The following OPCML variants were observed in gnomAD, a reference collection of about 807,000 sequenced individuals.
OPCML encodes the protein opioid-binding protein/cell adhesion molecule.
Under a neutral mutation model 37.8 loss-of-function variants are expected in OPCML, and 13 were observed. The observed-to-expected ratio is 0.34, with a 90% CI of 0.22 to 0.55. OPCML has a LOEUF of 0.55. OPCML is among the 20% of genes least tolerant of loss of function. The pLI is 0.91. For synonymous variants in OPCML, 176 were observed against 168.8 expected (o/e 1.04, Z -0.33); for missense variants, 341 against 435.6 (o/e 0.78, Z 1.93).
intron 2 of OPCML, among the ~76,000 whole-genome samples, chr11:132,908,049 A>C (rs1174369849): frequency 6.6e-6 from 1 of 152,180 alleles, no homozygotes; most frequent in African/African-American, 2.4e-5. Flanking sequence ...ATTTGTAGTC[A>C]GGGATTTCTA....
At chr11:132,443,978 C>G (rs757564179) in intron 4 of OPCML, among the ~76,000 whole-genome samples, 8 of 152,218 alleles carry the variant, frequency 5.3e-5, no homozygotes, top group Non-Finnish European at 1.0e-4. Flanking sequence ...TTGCCTTTCT[C>G]TCTGAGAATT....
intron 2 of OPCML, among the ~76,000 whole-genome samples, chr11:132,842,186 C>T (rs1941322749): frequency 6.6e-6 from 1 of 152,106 alleles, no homozygotes. Flanking sequence ...ACTACTTTAC[C>T]CCCTTCCTTC....
At chr11:132,464,750 G>A (rs1372609276) in intron 4 of OPCML, among the ~76,000 whole-genome samples, 1 of 152,042 alleles carries the variant, frequency 6.6e-6, no homozygotes, top group Admixed American at 6.5e-5. Flanking sequence ...CTTGGGATCT[G>A]CAATATTTTT....
At chr11:132,590,567 C>T (rs2096482685) in intron 3 of OPCML, among the ~76,000 whole-genome samples, 1 of 152,166 alleles carries the variant, frequency 6.6e-6, no homozygotes, top group Non-Finnish European at 1.5e-5. Flanking sequence ...TTCTCAACAT[C>T]TCCATGAGGT....
chr11:132,862,305 G>A (rs551778200), intron 2 of OPCML, among the ~76,000 whole-genome samples: 2 of 152,278 alleles, frequency 1.3e-5, no homozygotes, highest in African/African-American at 4.8e-5. Flanking sequence ...TGGGAACCAA[G>A]TTTCGGGTAG....
At chr11:133,336,600 A>G (rs986587019) in intron 1 of OPCML, among the ~76,000 whole-genome samples, 2 of 152,248 alleles carry the variant, frequency 1.3e-5, no homozygotes, top group Non-Finnish European at 2.9e-5. Flanking sequence ...CTGAAATACA[A>G]TAGAAATTCA....
chr11:133,506,861 C>T (rs1410669004), intron 1 of OPCML, among the ~76,000 whole-genome samples: 1 of 152,220 alleles, frequency 6.6e-6, no homozygotes, highest in Non-Finnish European at 1.5e-5. Context: ...CAAAGCTGGC[C>T]CTGTGCAGGT....
intron 1 of OPCML, among the ~76,000 whole-genome samples, chr11:133,476,138 A>T (rs1947232818): frequency 6.6e-6 from 1 of 152,230 alleles, no homozygotes; most frequent in Admixed American, 6.5e-5. Flanking sequence ...GCATGTCTGG[A>T]AAACACGTTT....
chr11:132,582,240 C>A (rs527794784), intron 3 of OPCML, among the ~76,000 whole-genome samples: 1 of 151,196 alleles, frequency 6.6e-6, no homozygotes, highest in East Asian at 2.0e-4. Flanking sequence ...TACTATAGAA[C>A]AACCTAAAAA....
At chr11:132,458,366 A>T (rs1330760650) in intron 4 of OPCML, among the ~76,000 whole-genome samples, 1 of 152,206 alleles carries the variant, frequency 6.6e-6, no homozygotes, top group African/African-American at 2.4e-5. Flanking sequence ...GGAGCTAAAA[A>T]GTGTGGATTC....
At chr11:132,653,092 A>G (rs1041548067) in intron 3 of OPCML, among the ~76,000 whole-genome samples, 4 of 152,150 alleles carry the variant, frequency 2.6e-5, no homozygotes, top group Non-Finnish European at 5.9e-5. Flanking sequence ...CCTGTTCCCT[A>G]GTTCTGCAAC....
rs546696190 is a variant in OPCML at position 133,089,329 on chromosome 11, C to T, written c.62-146319G>A. ...ACTTTAACAACAGCACTATCATCTT[C>T]CAGATTATTTTCTTTGAAGAGAATT... On this transcript the variant is annotated intron_variant, in intron 1 of 7. Coordinates refer to ENST00000524381, the MANE Select transcript of OPCML (RefSeq NM_001012393.5). Among the ~76,000 whole-genome samples, 4 of 152,256 alleles carry T rather than the reference C, an allele frequency of 2.6e-5. No individual in the cohort carries two copies. In the East Asian group the frequency reaches 7.7e-4, roughly 29 times the overall value.
intron 2 of OPCML, among the ~76,000 whole-genome samples, chr11:132,827,314 G>C (rs1038139744): frequency 5.3e-5 from 8 of 152,154 alleles, no homozygotes; most frequent in Admixed American, 2.6e-4. Flanking sequence ...TATGAAGAAT[G>C]CTAAACATCA....
intron 1 of OPCML, among the ~76,000 whole-genome samples, chr11:133,193,242 T>TA (rs912527128): frequency 2.0e-5 from 3 of 151,820 alleles, no homozygotes; most frequent in South Asian, 2.1e-4. Flanking sequence ...CTGAATAACA[T>TA]AAAAAAAAGT....
chr11:133,368,239 G>T (rs1831011901), intron 1 of OPCML, among the ~76,000 whole-genome samples: 1 of 55,910 alleles, frequency 1.8e-5, no homozygotes, highest in South Asian at 6.1e-4. Flanking sequence ...AGAAGGAAAA[G>T]GTGAGGTGGG....
chr11:132,965,172 T>C (rs1591855590), intron 1 of OPCML, among the ~76,000 whole-genome samples: 1 of 152,232 alleles, frequency 6.6e-6, no homozygotes, highest in African/African-American at 2.4e-5. Context: ...GGGAAGTTTA[T>C]TCGTCCTCGC....
rs188498269 is a variant in OPCML at position 132,426,869 on chromosome 11, C to T, written c.917-6576G>A. Among the ~76,000 whole-genome samples, 5 of 152,320 alleles carry T rather than the reference C, an allele frequency of 3.3e-5. 1 individual carries two copies. Among genetic ancestry groups the T allele is most frequent in the Admixed American group, 2.6e-4 (4 of 15,304 alleles). On this transcript the variant is annotated intron_variant, in intron 7 of 7. Transcript: ENST00000524381. The stretch of plus-strand genomic sequence containing the variant: ...TTTGCTGCTGCATTCAGGGGTGGCT[C>T]ACCACCCTCTTGAGTGGCAGGTGTT...
chr11:132,518,975 T>C (rs1423005726), intron 4 of OPCML, among the ~76,000 whole-genome samples: 2 of 152,200 alleles, frequency 1.3e-5, no homozygotes, highest in Non-Finnish European at 1.5e-5. Context: ...CTAGATATGA[T>C]ACAAGTGATA....
Position 132,660,463 on chromosome 11 carries a change from C to G in OPCML, c.147-3144G>C, listed in dbSNP as rs137892546. ...CGCAAAGGGGTTTATAACATGGCATCAAATTCATTCAATTTCTCAGTATCT... is the reference window on the plus strand; with the variant it reads ...CGCAAAGGGGTTTATAACATGGCATGAAATTCATTCAATTTCTCAGTATCT... On this transcript the variant is annotated intron_variant, in intron 2 of 7. Transcript: ENST00000524381. Among the ~76,000 whole-genome samples, 76 of 152,240 alleles carry G rather than the reference C, an allele frequency of 5.0e-4. No individual in the cohort carries two copies. In the East Asian group the frequency reaches 0.012, roughly 24 times the overall value.
Sources: allele counts gnomAD v4.1 joint callset (sites outside exome capture counted in the v4.1 genomes callset), GRCh38; gene constraint gnomAD v4.1.1; transcripts MANE v1.5; gene names NCBI Gene and HGNC (gene_info 2026-07-23, HGNC 2026-07-21).